Variants in SLC39A11 observed in about 807,000 individuals in gnomAD.
SLC39A11 encodes the protein zinc transporter ZIP11.
SLC39A11 carries 33 observed loss-of-function variants against 36.1 expected under a neutral mutation model. That is an observed-to-expected ratio of 0.91 (90% CI 0.69 to 1.22). SLC39A11 has a LOEUF of 1.22. Ranked by LOEUF, SLC39A11 falls within the 50% of genes most tolerant of loss-of-function variation. SLC39A11 has a pLI of 0.00. For synonymous variants in SLC39A11, 166 were observed against 170.3 expected (o/e 0.97, Z 0.20); for missense variants, 432 against 430.3 (o/e 1.00, Z -0.03).
intron 7 of SLC39A11, among the ~76,000 whole-genome samples, chr17:72,700,716 A>G (rs1355530783): frequency 2.6e-5 from 4 of 152,236 alleles, no homozygotes; most frequent in Non-Finnish European, 4.4e-5. Flanking sequence ...TGGACTCACA[A>G]TTCCACGTGG....
At chr17:73,075,912 G>A (rs549610984) in intron 3 of SLC39A11, among the ~76,000 whole-genome samples, 1 of 152,274 alleles carries the variant, frequency 6.6e-6, no homozygotes, top group South Asian at 2.1e-4. Flanking sequence ...CACTGTCCCT[G>A]TAAAGTGGGG....
intron 6 of SLC39A11, among the ~76,000 whole-genome samples, chr17:72,792,094 A>G (rs999054365): frequency 3.9e-5 from 6 of 152,204 alleles, no homozygotes; most frequent in African/African-American, 1.4e-4. Flanking sequence ...GGTGAGGGAG[A>G]CATCCCTCAC....
chr17:73,037,134 G>A (rs2058946459), intron 3 of SLC39A11, among the ~76,000 whole-genome samples: 1 of 152,176 alleles, frequency 6.6e-6, no homozygotes, highest in Non-Finnish European at 1.5e-5. Context: ...ACCTATTGAA[G>A]GACTTTTTGG....
intron 3 of SLC39A11, among the ~76,000 whole-genome samples, chr17:73,055,438 CT>C (rs113094163): frequency 1.5e-3 from 219 of 142,880 alleles, no homozygotes; most frequent in Middle Eastern, 3.7e-3. Flanking sequence ...ACTTTTTTTT[CT>C]TTTTTTTTTT....
At chr17:72,907,398 A>G (rs2082711219) in intron 5 of SLC39A11, among the ~76,000 whole-genome samples, 1 of 152,186 alleles carries the variant, frequency 6.6e-6, no homozygotes, top group South Asian at 2.1e-4. Flanking sequence ...GCTGAGGCAC[A>G]AGAATCACTT....
chr17:72,969,636 C>T (rs117635665), intron 4 of SLC39A11, among the ~76,000 whole-genome samples: 6,252 of 151,538 alleles, frequency 0.041, 144 homozygotes, highest in Non-Finnish European at 0.056. Flanking sequence ...CACTCACACA[C>T]CTCTAATATT....
chr17:72,749,687 C>T (rs2075075807), intron 6 of SLC39A11, among the ~76,000 whole-genome samples: 1 of 152,102 alleles, frequency 6.6e-6, no homozygotes, highest in Admixed American at 6.5e-5. Context: ...TGCTAAGTGC[C>T]ACCCCACCCT....
chr17:72,958,762 A>T lies in SLC39A11; in HGVS notation c.307-10887T>A, dbSNP rs529121668. 5.3e-5 allele frequency among the ~76,000 whole-genome samples: 8 copies of T among 152,172 alleles called. No homozygotes were observed. In the East Asian group the frequency reaches 7.7e-4, roughly 15 times the overall value. On this transcript the variant is annotated intron_variant, in intron 4 of 9. Transcript: ENST00000255559. ...GCTACTCGGGAGGCTGAGGTGCAAG[A>T]ATTGCTTGAACCTGGGAGGCGGAGG...
chr17:72,820,688 C>T (rs1022822197), intron 6 of SLC39A11, among the ~76,000 whole-genome samples: 2 of 151,190 alleles, frequency 1.3e-5, no homozygotes, highest in African/African-American at 2.4e-5. Flanking sequence ...AAACGATGGA[C>T]GCTATGCAGG....
chr17:72,900,036 A>AAGAGAGAGAGAGAGAG (rs1193214146), intron 5 of SLC39A11, among the ~76,000 whole-genome samples: 1 of 124,734 alleles, frequency 8.0e-6, no homozygotes, highest in Non-Finnish European at 1.7e-5. Context: ...GAGAGAGAGA[A>AAGAGAGAGAGAGAGAG]AGAGAGAGAG....
chr17:72,830,966 G>C (rs1156399934), intron 6 of SLC39A11, among the ~76,000 whole-genome samples: 1 of 152,134 alleles, frequency 6.6e-6, no homozygotes, highest in African/African-American at 2.4e-5. Flanking sequence ...TGAGAACAGG[G>C]CACAGAGAAG....
intron 4 of SLC39A11, among the ~76,000 whole-genome samples, chr17:72,954,704 G>GC (rs2086121879): frequency 6.6e-6 from 1 of 152,114 alleles, no homozygotes; most frequent in Non-Finnish European, 1.5e-5. Context: ...ATTAAATGTC[G>GC]CCCCTGATCA....
chr17:72,717,076 G>GTA (rs2073427844), intron 7 of SLC39A11, among the ~76,000 whole-genome samples: 1 of 133,702 alleles, frequency 7.5e-6, no homozygotes, highest in African/African-American at 2.9e-5. Flanking sequence ...ACACATATAA[G>GTA]TATATGTATA....
chr17:72,806,425 AT>A (rs1451979751), intron 6 of SLC39A11, among the ~76,000 whole-genome samples: 2 of 151,938 alleles, frequency 1.3e-5, no homozygotes, highest in Non-Finnish European at 2.9e-5. Context: ...CTGCCAAACT[AT>A]TTCCCCCTTT....
At chr17:72,921,115 C>T (rs1262802078) in intron 5 of SLC39A11, among the ~76,000 whole-genome samples, 1 of 152,060 alleles carries the variant, frequency 6.6e-6, no homozygotes, top group South Asian at 2.1e-4. Flanking sequence ...CTAGAATGTG[C>T]CAGGAAACAC....
rs77504180 is a variant in SLC39A11 at position 72,883,877 on chromosome 17, G to A, written c.431-34073C>T. ...GCCCATAGAAAGGAGAATCTGGGCT[G>A]GGTGCAGTGGCTCAAGCCTGTAATC... On this transcript the variant is annotated intron_variant, in intron 5 of 9. Coordinates refer to ENST00000255559, the MANE Select transcript of SLC39A11 (RefSeq NM_139177.4). Among the ~76,000 whole-genome samples the A allele has an allele frequency of 7.9e-3, 1,208 of 152,290 alleles. 11 individuals carry two copies. Among genetic ancestry groups the A allele is most frequent in the African/African-American group, 0.027 (1,138 of 41,550 alleles).
At chr17:72,931,545 C>A (rs934589907) in intron 5 of SLC39A11, among the ~76,000 whole-genome samples, 1 of 152,200 alleles carries the variant, frequency 6.6e-6, no homozygotes, top group Non-Finnish European at 1.5e-5. Flanking sequence ...GTCACATGAT[C>A]CCTTCCCAAA....
chr17:72,784,218 G>A (rs1363307292), intron 6 of SLC39A11, among the ~76,000 whole-genome samples: 1 of 152,082 alleles, frequency 6.6e-6, no homozygotes. Flanking sequence ...GGTGGCGCAT[G>A]CCTGTAATCC....
intron 5 of SLC39A11, among the ~76,000 whole-genome samples, chr17:72,927,671 C>A (rs966604283): frequency 4.6e-5 from 7 of 152,134 alleles, no homozygotes; most frequent in African/African-American, 1.4e-4. Context: ...GTGTGTGCTT[C>A]CAATGCATAA....
Sources: allele counts gnomAD v4.1 joint callset (sites outside exome capture counted in the v4.1 genomes callset), GRCh38; gene constraint gnomAD v4.1.1; transcripts MANE v1.5; gene names NCBI Gene and HGNC (gene_info 2026-07-23, HGNC 2026-07-21).